The following PRKG1 variants were observed in gnomAD, a reference collection of about 807,000 sequenced individuals.
PRKG1 encodes cGMP-dependent protein kinase 1.
Under a neutral mutation model 88.1 loss-of-function variants are expected in PRKG1, and 35 were observed. That is an observed-to-expected ratio of 0.40 (90% CI 0.30 to 0.53). PRKG1 has a LOEUF of 0.53. Ranked by LOEUF, PRKG1 falls within the 20% of genes least tolerant of loss-of-function variation. The pLI is 0.59. For synonymous variants in PRKG1, 303 were observed against 292.5 expected, an observed-to-expected ratio of 1.04 and a Z score of -0.37; for missense variants, 540 against 839.8, an observed-to-expected ratio of 0.64 and a Z score of 4.41.
intron 4 of PRKG1, among the ~76,000 whole-genome samples, chr10:51,878,753 C>G (rs1179095856): frequency 6.6e-6 from 1 of 152,198 alleles, no homozygotes; most frequent in African/African-American, 2.4e-5. Flanking sequence ...CCCATACTGA[C>G]TAGAGCTGGC....
At chr10:51,079,799 T>C (rs2131848016) in intron 1 of PRKG1, among the ~76,000 whole-genome samples, 1 of 152,182 alleles carries the variant, frequency 6.6e-6, no homozygotes, top group East Asian at 1.9e-4. Context: ...GTCCTGTTAA[T>C]AGTCGTAACT....
intron 5 of PRKG1, among the ~76,000 whole-genome samples, chr10:51,912,903 G>C (rs10823881): frequency 6.6e-6 from 1 of 151,364 alleles, no homozygotes; most frequent in African/African-American, 2.4e-5. Context: ...TATTACTATT[G>C]TTTTAAAAAT....
At chr10:51,576,416 C>T (rs187783018) in intron 3 of PRKG1, among the ~76,000 whole-genome samples, 15 of 152,020 alleles carry the variant, frequency 9.9e-5, no homozygotes, top group Non-Finnish European at 2.1e-4. Context: ...GATATACATA[C>T]ATAATATTAT....
intron 9 of PRKG1, among the ~76,000 whole-genome samples, chr10:52,166,809 G>GTATATATATATATATATA (rs1329775053): frequency 5.7e-5 from 4 of 70,190 alleles, no homozygotes; most frequent in South Asian, 6.1e-4. Flanking sequence ...ATATATATAT[G>GTATATATATATATATATA]TATATATATG....
At chr10:52,249,849 A>C (rs1841129089) in intron 9 of PRKG1, among the ~76,000 whole-genome samples, 1 of 152,096 alleles carries the variant, frequency 6.6e-6, no homozygotes, top group South Asian at 2.1e-4. Flanking sequence ...AAAAGCAAAA[A>C]ACAAAAAACC....
chr10:51,576,626 C>T (rs1441033138), intron 3 of PRKG1, among the ~76,000 whole-genome samples: 2 of 151,874 alleles, frequency 1.3e-5, no homozygotes, highest in Non-Finnish European at 2.9e-5. Context: ...GTGGCACATC[C>T]ATCTAAGCAA....
intron 3 of PRKG1, among the ~76,000 whole-genome samples, chr10:51,559,209 T>C (rs1183563502): frequency 6.6e-6 from 1 of 151,954 alleles, no homozygotes; most frequent in Non-Finnish European, 1.5e-5. Context: ...TGCAAAACAG[T>C]AAGAATTGGA....
At chr10:51,367,690 G>C (rs868527234) in intron 2 of PRKG1, among the ~76,000 whole-genome samples, 1 of 151,910 alleles carries the variant, frequency 6.6e-6, no homozygotes, top group Non-Finnish European at 1.5e-5. Context: ...TGGAGTAGAA[G>C]AACTTCAAAG....
intron 1 of PRKG1, among the ~76,000 whole-genome samples, chr10:51,128,235 T>C (rs1426515479): frequency 5.6e-5 from 3 of 53,858 alleles, no homozygotes; most frequent in Non-Finnish European, 1.7e-4. Context: ...GACTTAGGAA[T>C]ATAAATATAT....
chr10:52,173,168 T>C lies in PRKG1; in HGVS notation c.1076+11205T>C, dbSNP rs142930960. On this transcript the variant is annotated intron_variant, in intron 9 of 17. Transcript: ENST00000373980. ...TATAAGTCTATGTTGTAACAAAGGT[T>C]ACTTAAGTTATATGTCCTCATAAAA... 8.6e-3 allele frequency among the ~76,000 whole-genome samples: 1,318 copies of C among 152,380 alleles called. 22 individuals carry two copies. Among genetic ancestry groups the C allele is most frequent in the African/African-American group, 0.031 (1,274 of 41,600 alleles).
chr10:51,819,052 G>T (rs1235875140), intron 4 of PRKG1, among the ~76,000 whole-genome samples: 1 of 111,406 alleles, frequency 9.0e-6, no homozygotes, highest in Non-Finnish European at 2.0e-5. Context: ...AAGAATACCA[G>T]AGGCTGGATA....
chr10:51,696,814 C>T (rs1032853907), intron 3 of PRKG1: 1 of 151,968 alleles, frequency 6.6e-6, no homozygotes, highest in South Asian at 2.1e-4. Context: ...AGTCAAATAC[C>T]ATTTATAACT....
At chr10:52,180,862 C>T (rs918939367) in intron 9 of PRKG1, among the ~76,000 whole-genome samples, 1 of 152,068 alleles carries the variant, frequency 6.6e-6, no homozygotes, top group African/African-American at 2.4e-5. Context: ...ATTTCCTGCC[C>T]AGGCTGGGGG....
intron 3 of PRKG1, among the ~76,000 whole-genome samples, chr10:51,595,123 G>C (rs929437484): frequency 1.3e-5 from 2 of 152,142 alleles, no homozygotes; most frequent in African/African-American, 2.4e-5. Flanking sequence ...AAGGCAGAAA[G>C]ATTGCTTGGG....
At chr10:51,045,744 A>C (rs1394406069) in intron 1 of PRKG1, among the ~76,000 whole-genome samples, 2 of 152,224 alleles carry the variant, frequency 1.3e-5, no homozygotes, top group African/African-American at 4.8e-5. Context: ...ATGTCATAAA[A>C]TATTTTCTAC....
At chr10:51,947,360 G>T in intron 5 of PRKG1, among the ~76,000 whole-genome samples, 1 of 152,224 alleles carries the variant, frequency 6.6e-6, no homozygotes, top group East Asian at 1.9e-4. Flanking sequence ...TCCAGGTGCC[G>T]TCTGTCACCC....
At chr10:51,652,498 G>A (rs777871876) in intron 3 of PRKG1, among the ~76,000 whole-genome samples, 1 of 151,980 alleles carries the variant, frequency 6.6e-6, no homozygotes, top group African/African-American at 2.4e-5. Flanking sequence ...ACTTTGGAGG[G>A]AACATCAAGA....
intron 5 of PRKG1, among the ~76,000 whole-genome samples, chr10:51,945,764 A>T (rs999600821): frequency 3.3e-5 from 5 of 151,210 alleles, no homozygotes; most frequent in Non-Finnish European, 5.9e-5. Flanking sequence ...TCTTTTCTTT[A>T]AGAATGTTGA....
chr10:52,016,941 G>A (rs888431348), intron 5 of PRKG1, among the ~76,000 whole-genome samples: 10 of 152,092 alleles, frequency 6.6e-5, no homozygotes, highest in Admixed American at 6.6e-4. Context: ...TTTTTGAGCA[G>A]ACACTTGAAT....
Sources: gnomAD v4.1 joint callset for allele counts (sites outside exome capture counted in the v4.1 genomes callset) on GRCh38, gnomAD v4.1.1 for gene constraint, MANE v1.5 for transcripts, NCBI Gene and HGNC (gene_info 2026-07-23, HGNC 2026-07-21) for gene names.